Variants in PLCB4 observed in about 807,000 individuals in gnomAD.
PLCB4 encodes 1-phosphatidylinositol 4,5-bisphosphate phosphodiesterase beta-4.
A neutral mutation model predicts 178.8 loss-of-function variants in PLCB4; 77 were observed. The observed-to-expected ratio is 0.43, with a 90% CI of 0.36 to 0.52. PLCB4 has a LOEUF of 0.52. Ranked by LOEUF, PLCB4 falls within the 20% of genes least tolerant of loss-of-function variation. The pLI is 0.00. For synonymous variants in PLCB4, 496 were observed against 490.8 expected, an observed-to-expected ratio of 1.01 and a Z score of -0.14; for missense variants, 1,024 against 1,453.4, an observed-to-expected ratio of 0.70 and a Z score of 4.80.
At chr20:9,211,426 A>G (rs1057504761) in intron 2 of PLCB4, among the ~76,000 whole-genome samples, 4 of 152,216 alleles carry the variant, frequency 2.6e-5, no homozygotes, top group Admixed American at 6.5e-5. Context: ...AGCTTCACAC[A>G]TGCTGAATCT....
At chr20:9,107,472 G>T (rs1394092031) in intron 2 of PLCB4, among the ~76,000 whole-genome samples, 1 of 152,170 alleles carries the variant, frequency 6.6e-6, no homozygotes, top group Non-Finnish European at 1.5e-5. Context: ...TTTGAGTCAA[G>T]GCCCTAAGTT....
chr20:9,087,756 A>T (rs1054670951), intron 1 of PLCB4, among the ~76,000 whole-genome samples: 1 of 152,184 alleles, frequency 6.6e-6, no homozygotes, highest in Non-Finnish European at 1.5e-5. Context: ...GTTCTTTCTC[A>T]TACACACCCT....
chr20:9,445,138 C>T (rs2042338585), intron 32 of PLCB4, among the ~76,000 whole-genome samples: 1 of 152,170 alleles, frequency 6.6e-6, no homozygotes, highest in Admixed American at 6.5e-5. Flanking sequence ...TGAAAAACGT[C>T]ATGGCCCTCA....
At chr20:9,138,015 T>C (rs534595218) in intron 2 of PLCB4, among the ~76,000 whole-genome samples, 1 of 152,284 alleles carries the variant, frequency 6.6e-6, no homozygotes, top group South Asian at 2.1e-4. Flanking sequence ...TTTACGTGCA[T>C]ATAAATGAGG....
At chr20:9,451,871 C>G (rs1234496808) in intron 32 of PLCB4, among the ~76,000 whole-genome samples, 1 of 152,224 alleles carries the variant, frequency 6.6e-6, no homozygotes, top group Non-Finnish European at 1.5e-5. Flanking sequence ...GTGACTCACC[C>G]CAGCACTGAA....
Position 9,362,799 on chromosome 20 carries a change from T to C in PLCB4, c.370-97T>C. ...AAGGGACAAAAGAAGAGTTTGTGTTTTTATTACACAAAATGGATACAATCT... is the reference window on the plus strand; with the variant it reads ...AAGGGACAAAAGAAGAGTTTGTGTTCTTATTACACAAAATGGATACAATCT... On this transcript the variant is annotated intron_variant, in intron 7 of 39. Coordinates refer to ENST00000378473, the MANE Select transcript of PLCB4 (RefSeq NM_001377142.1). 4 of 746,572 alleles carry C rather than the reference T, an allele frequency of 5.4e-6. No individual in the cohort carries two copies. The South Asian group carries it at 6.0e-5, about 11-fold the overall frequency. The allele number at this position is 746,572 out of a possible 1,614,324, so 46.2% of individuals were successfully genotyped here. A position where few individuals can be genotyped will look rare whatever the true frequency, so the allele number is the denominator to read the frequency against.
intron 2 of PLCB4, among the ~76,000 whole-genome samples, chr20:9,148,353 A>G (rs1026477533): frequency 6.6e-6 from 1 of 152,124 alleles, no homozygotes; most frequent in African/African-American, 2.4e-5. Context: ...CTCCTGGAGG[A>G]AATGAAATAT....
chr20:9,260,342 T>C (rs1350629514), intron 3 of PLCB4, among the ~76,000 whole-genome samples: 1 of 152,166 alleles, frequency 6.6e-6, no homozygotes, highest in Non-Finnish European at 1.5e-5. Context: ...ATAGTTATTC[T>C]CTTTTTGTAA....
At chr20:9,231,763 A>G (rs960801935) in intron 3 of PLCB4, among the ~76,000 whole-genome samples, 5 of 152,186 alleles carry the variant, frequency 3.3e-5, no homozygotes, top group African/African-American at 1.2e-4. Flanking sequence ...AGTTAAACAT[A>G]TACTAACCAT....
chr20:9,456,677 G>C (rs1379915850), intron 33 of PLCB4, among the ~76,000 whole-genome samples: 1 of 152,304 alleles, frequency 6.6e-6, no homozygotes, highest in South Asian at 2.1e-4. Flanking sequence ...AACTTGCTCA[G>C]TGCCAGCCAT....
intron 2 of PLCB4, among the ~76,000 whole-genome samples, chr20:9,209,733 G>A (rs2093652265): frequency 6.6e-6 from 1 of 152,040 alleles, no homozygotes; most frequent in African/African-American, 2.4e-5. Flanking sequence ...CTTGATTTTA[G>A]CCTTGTAAGA....
At chr20:9,095,394 T>G (rs2090867249) in intron 1 of PLCB4, among the ~76,000 whole-genome samples, 1 of 152,156 alleles carries the variant, frequency 6.6e-6, no homozygotes, top group Non-Finnish European at 1.5e-5. Context: ...TTATCCCCAT[T>G]GGAAGTTAAA....
chr20:9,380,002 T>C (rs570295123), intron 12 of PLCB4, 52 bp from the exon 13 acceptor site: 25 of 879,164 alleles, frequency 2.8e-5, no homozygotes, highest in Non-Finnish European at 3.7e-5. Context: ...TAATGTCTAA[T>C]GCCTCAAGGC....
chr20:9,363,074 C>T (rs1214206773), intron 8 of PLCB4, 99 bp downstream of exon 8: 3 of 831,078 alleles, frequency 3.6e-6, no homozygotes, highest in African/African-American at 3.4e-5. Context: ...CAAATTCCTG[C>T]TTGCCTTTCC....
intron 3 of PLCB4, among the ~76,000 whole-genome samples, chr20:9,238,409 C>A (rs141723825): frequency 2.6e-5 from 4 of 152,108 alleles, no homozygotes; most frequent in East Asian, 1.9e-4. Context: ...GGAGTTGACC[C>A]CCCCCCGAGG....
chr20:9,078,560 C>T (rs1398834050), intron 1 of PLCB4, among the ~76,000 whole-genome samples: 5 of 151,846 alleles, frequency 3.3e-5, no homozygotes, highest in Admixed American at 3.3e-4. Context: ...TGGGGTTTCA[C>T]CATGTTGGCC....
intron 2 of PLCB4, among the ~76,000 whole-genome samples, chr20:9,193,298 A>G (rs1368766617): frequency 1.3e-5 from 2 of 152,204 alleles, no homozygotes; most frequent in East Asian, 3.8e-4. Flanking sequence ...TTTCACAGAG[A>G]AAAACTACAA....
intron 2 of PLCB4, among the ~76,000 whole-genome samples, chr20:9,138,472 T>C (rs1467173864): frequency 1.3e-5 from 2 of 152,064 alleles, no homozygotes; most frequent in Admixed American, 6.6e-5. Flanking sequence ...ATGATTTTAA[T>C]TCAGGAGCAT....
intron 7 of PLCB4, among the ~76,000 whole-genome samples, chr20:9,356,082 G>A (rs2148191903): frequency 6.6e-6 from 1 of 152,336 alleles, no homozygotes; most frequent in Middle Eastern, 3.4e-3. Context: ...TCTTTTGGCT[G>A]CATAAATGTC....
Sources: allele counts gnomAD v4.1 joint callset (sites outside exome capture counted in the v4.1 genomes callset), GRCh38; gene constraint gnomAD v4.1.1; transcripts MANE v1.5; gene names NCBI Gene and HGNC (gene_info 2026-07-23, HGNC 2026-07-21).